NBAS: variants seen among roughly 807,000 people sequenced by gnomAD.
The protein encoded by NBAS is NAG/BC035112 fusion.
NBAS carries 219 observed loss-of-function variants against 302.5 expected under a neutral mutation model. The observed-to-expected ratio is 0.72, with a 90% CI of 0.65 to 0.81. The LOEUF (loss-of-function observed/expected upper bound fraction) is 0.81, where lower values mean the gene tolerates loss of function less well. Among genes scored for constraint, NBAS ranks in the 30% least tolerant of loss-of-function variants. The pLI, the probability that NBAS is intolerant of heterozygous loss-of-function variation, is 0.00. For missense variants in NBAS, 2,932 were observed against 2,841.6 expected, an observed-to-expected ratio of 1.03 and a Z score of -0.72; for synonymous variants, 1,118 against 1,021.6, an observed-to-expected ratio of 1.09 and a Z score of -1.80.
chr2:15,364,075 C>T (rs984881373), intron 32 of NBAS, among the ~76,000 whole-genome samples: 2 of 152,328 alleles, frequency 1.3e-5, no homozygotes, highest in South Asian at 2.1e-4. Context: ...CTGCCAAGAG[C>T]CATGTGAATG....
chr2:15,532,830 T>C (rs1663287195), intron 9 of NBAS, among the ~76,000 whole-genome samples: 2 of 151,860 alleles, frequency 1.3e-5, no homozygotes, highest in South Asian at 2.1e-4. Flanking sequence ...AATGTAAATA[T>C]AAGAAAAAAT....
intron 7 of NBAS, among the ~76,000 whole-genome samples, chr2:15,538,555 C>T (rs902401296): frequency 6.6e-6 from 1 of 152,072 alleles, no homozygotes; most frequent in Non-Finnish European, 1.5e-5. Flanking sequence ...TATAAAGCTC[C>T]CCAGGTGATT....
intron 47 of NBAS, among the ~76,000 whole-genome samples, chr2:15,219,593 T>C (rs1426692971): frequency 7.3e-6 from 1 of 137,586 alleles, no homozygotes; most frequent in Non-Finnish European, 1.5e-5. Flanking sequence ...TTAATCCATT[T>C]AACCCTGAGT....
At chr2:14,920,192 T>C in the NBAS span, among the ~76,000 whole-genome samples, 1 of 152,202 alleles carries the variant, frequency 6.6e-6, no homozygotes, top group African/African-American at 2.4e-5. Flanking sequence ...TGTACATCTC[T>C]ATCAGAGCTC....
intron 35 of NBAS, among the ~76,000 whole-genome samples, chr2:15,331,718 C>G (rs188126341): frequency 6.6e-6 from 1 of 152,158 alleles, no homozygotes; most frequent in East Asian, 1.9e-4. Context: ...ATACTTAAAA[C>G]TCACTCTTTT....
chr2:15,459,487 A>G (rs866068996), intron 21 of NBAS, among the ~76,000 whole-genome samples: 2 of 141,798 alleles, frequency 1.4e-5, no homozygotes, highest in Non-Finnish European at 3.1e-5. Flanking sequence ...TGAAAAAAGC[A>G]TCCTGAGCAT....
the NBAS span, among the ~76,000 whole-genome samples, chr2:15,038,283 C>T: frequency 0.054 from 8,249 of 151,822 alleles, 388 homozygotes; most frequent in East Asian, 0.21. Context: ...AGCTAATTTT[C>T]GTATTTTTAG....
chr2:14,916,087 A>AT, the NBAS span, among the ~76,000 whole-genome samples: 16 of 150,942 alleles, frequency 1.1e-4, no homozygotes, highest in African/African-American at 1.9e-4. Flanking sequence ...CCTCCCTGAG[A>AT]TTTTTTTTTT....
chr2:15,375,329 G>T (rs907185637), intron 30 of NBAS, among the ~76,000 whole-genome samples: 2 of 152,154 alleles, frequency 1.3e-5, no homozygotes, highest in Non-Finnish European at 2.9e-5. Context: ...TAAATTCAAA[G>T]AAACTGCATT....
chr2:15,078,505 G>A, the NBAS span, among the ~76,000 whole-genome samples: 3 of 152,216 alleles, frequency 2.0e-5, no homozygotes, highest in Non-Finnish European at 4.4e-5. Context: ...GAGAAAGGAA[G>A]CGCTTCCATT....
the NBAS span, among the ~76,000 whole-genome samples, chr2:15,145,837 G>A: frequency 6.6e-6 from 1 of 152,100 alleles, no homozygotes; most frequent in Non-Finnish European, 1.5e-5. Flanking sequence ...CCCAGAACAT[G>A]AGTTATAACA....
At chr2:15,030,246 A>G in the NBAS span, among the ~76,000 whole-genome samples, 1 of 152,144 alleles carries the variant, frequency 6.6e-6, no homozygotes. Context: ...AAAAAACAGG[A>G]CACATTCCGG....
chr2:14,925,212 A>C, the NBAS span, among the ~76,000 whole-genome samples: 1 of 152,132 alleles, frequency 6.6e-6, no homozygotes, highest in Non-Finnish European at 1.5e-5. Flanking sequence ...ACTGATAATA[A>C]TTTCTCCCAT....
chr2:15,427,815 A>C (rs1452972087), intron 21 of NBAS, 21 bp from the exon 22 acceptor site: 6 of 1,576,562 alleles, frequency 3.8e-6, no homozygotes, highest in African/African-American at 2.7e-5. Context: ...AAAAAAAATA[A>C]GTGTTTAAAA....
intron 28 of NBAS, among the ~76,000 whole-genome samples, chr2:15,387,046 A>T (rs1675333030): frequency 6.6e-6 from 1 of 152,042 alleles, no homozygotes; most frequent in Non-Finnish European, 1.5e-5. Context: ...TAATGTAAAT[A>T]ACAATTCGTA....
the NBAS span, among the ~76,000 whole-genome samples, chr2:15,066,922 T>G: frequency 4.1e-4 from 63 of 152,246 alleles, no homozygotes; most frequent in Non-Finnish European, 7.2e-4. Flanking sequence ...ATTGCAGCAT[T>G]GTTCACAATA....
At chr2:15,379,280 A>T (rs1201280365) in intron 30 of NBAS, among the ~76,000 whole-genome samples, 11 of 151,394 alleles carry the variant, frequency 7.3e-5, no homozygotes, top group Non-Finnish European at 1.2e-4. Context: ...CGAGACAGGC[A>T]TTACCTACGC....
the NBAS span, among the ~76,000 whole-genome samples, chr2:14,869,578 C>A: frequency 6.6e-6 from 1 of 152,276 alleles, no homozygotes; most frequent in Non-Finnish European, 1.5e-5. Flanking sequence ...AGGTCACAAG[C>A]AATCCATACC....
the NBAS span, among the ~76,000 whole-genome samples, chr2:14,959,013 T>C: frequency 6.6e-6 from 1 of 152,152 alleles, no homozygotes; most frequent in Non-Finnish European, 1.5e-5. Context: ...GGATTTAAGT[T>C]CATGCCTTTG....
Sources: allele counts gnomAD v4.1 joint callset (sites outside exome capture counted in the v4.1 genomes callset), GRCh38; gene constraint gnomAD v4.1.1; transcripts MANE v1.5; gene names NCBI Gene and HGNC (gene_info 2026-07-23, HGNC 2026-07-21).